ZNF385D: variants seen among roughly 807,000 people sequenced by gnomAD.
ZNF385D encodes zinc finger protein 659.
A neutral mutation model predicts 35.8 loss-of-function variants in ZNF385D; 15 were observed. That is an observed-to-expected ratio of 0.42 (90% CI 0.28 to 0.64). The LOEUF is 0.64. Ranked by LOEUF, ZNF385D falls within the 30% of genes least tolerant of loss-of-function variation. ZNF385D has a pLI of 0.23. For synonymous variants in ZNF385D, 212 were observed against 186.8 expected, an observed-to-expected ratio of 1.13 and a Z score of -1.10; for missense variants, 474 against 494.6, an observed-to-expected ratio of 0.96 and a Z score of 0.39.
At chr3:22,062,572 A>C (rs1817442) in intron 3 of ZNF385D, among the ~76,000 whole-genome samples, 51,078 of 151,958 alleles carry the variant, frequency 0.34, 8,985 homozygotes, top group East Asian at 0.58. Flanking sequence ...CTACTTTAAA[A>C]TATTTAACAT....
intron 3 of ZNF385D, among the ~76,000 whole-genome samples, chr3:21,910,372 A>C (rs1474987500): frequency 6.6e-6 from 1 of 152,052 alleles, no homozygotes; most frequent in African/African-American, 2.4e-5. Context: ...GATAATTTTG[A>C]AATTTCTCAG....
At chr3:22,186,950 T>G (rs990898445) in intron 2 of ZNF385D, among the ~76,000 whole-genome samples, 1 of 152,110 alleles carries the variant, frequency 6.6e-6, no homozygotes, top group African/African-American at 2.4e-5. Context: ...GCACTGCCAA[T>G]GAGGTAGGTA....
rs73048903 is a variant in ZNF385D, at chr3:22,158,647, G to C, written c.325+10170C>G. ...ATTTAAGGAAACTATTTAGTGAATTGAATCTGTAATACCATCTTACACACA... is the reference window on the plus strand; with the variant it reads ...ATTTAAGGAAACTATTTAGTGAATTCAATCTGTAATACCATCTTACACACA... On this transcript the variant is annotated intron_variant, in intron 3 of 5. Transcript: ENST00000494108. 6.0e-3 allele frequency among the ~76,000 whole-genome samples: 916 copies of C among 151,864 alleles called. 7 individuals carry two copies. The highest frequency in any genetic ancestry group is 0.017 in the Middle Eastern group (5 of 294).
intron 3 of ZNF385D, among the ~76,000 whole-genome samples, chr3:22,110,560 T>A (rs1340001827): frequency 1.3e-5 from 2 of 151,942 alleles, no homozygotes; most frequent in Admixed American, 1.3e-4. Flanking sequence ...ACACCGCATG[T>A]TCTCACTCAT....
chr3:22,081,798 A>C (rs2125584128), intron 3 of ZNF385D, among the ~76,000 whole-genome samples: 1 of 152,276 alleles, frequency 6.6e-6, no homozygotes, highest in Admixed American at 6.5e-5. Flanking sequence ...TTTTTAAAAA[A>C]GGTTGCTTAC....
chr3:21,672,655 A>C (rs995999475), intron 1 of ZNF385D, among the ~76,000 whole-genome samples: 6 of 152,164 alleles, frequency 3.9e-5, no homozygotes, highest in Non-Finnish European at 8.8e-5. Flanking sequence ...CCCTTGTCCA[A>C]ATTATTTATT....
At chr3:21,751,378 T>A, upstream of ZNF385D, 4 of 1,025,732 alleles carry the variant, frequency 3.9e-6, no homozygotes, top group Non-Finnish European at 4.7e-6. Context: ...GAGGCTCTCT[T>A]AAAGCGAGAA....
chr3:21,767,306 C>G (rs1444632772), intron 3 of ZNF385D, among the ~76,000 whole-genome samples: 1 of 151,896 alleles, frequency 6.6e-6, no homozygotes, highest in Non-Finnish European at 1.5e-5. Context: ...TGCCACTTGT[C>G]TTTGACAAAT....
At chr3:22,179,006 A>T (rs1173998166) in intron 2 of ZNF385D, among the ~76,000 whole-genome samples, 1 of 152,128 alleles carries the variant, frequency 6.6e-6, no homozygotes, top group Admixed American at 6.5e-5. Flanking sequence ...TATAGTTTGA[A>T]GTCAGGCAGC....
intron 3 of ZNF385D, among the ~76,000 whole-genome samples, chr3:21,781,951 A>G (rs912447467): frequency 6.6e-6 from 1 of 152,064 alleles, no homozygotes; most frequent in Non-Finnish European, 1.5e-5. Context: ...TCACTCCTCA[A>G]GCTGATAAAA....
At chr3:21,695,787 T>C (rs2067451623) in intron 1 of ZNF385D, among the ~76,000 whole-genome samples, 1 of 151,648 alleles carries the variant, frequency 6.6e-6, no homozygotes, top group Non-Finnish European at 1.5e-5. Flanking sequence ...AATAAACATA[T>C]TTCATTTTAT....
At chr3:21,975,702 AATATATATATATATATATATAT>A (rs56303677) in intron 3 of ZNF385D, among the ~76,000 whole-genome samples, 9,101 of 123,670 alleles carry the variant, frequency 0.074, 583 homozygotes, top group South Asian at 0.17. Flanking sequence ...GTACCCACGA[AATATATATATATATATATATAT>A]ATATATATAT....
intron 2 of ZNF385D, among the ~76,000 whole-genome samples, chr3:22,199,266 A>G (rs560466559): frequency 2.6e-3 from 391 of 152,252 alleles, no homozygotes; most frequent in Non-Finnish European, 4.7e-3. Flanking sequence ...AATGTAGATT[A>G]CATTTTACAT....
At chr3:21,525,844 G>A (rs1040430822) in intron 3 of ZNF385D, among the ~76,000 whole-genome samples, 1 of 152,020 alleles carries the variant, frequency 6.6e-6, no homozygotes, top group South Asian at 2.1e-4. Context: ...TACATTTTAT[G>A]ACAAATTGAG....
In ZNF385D at chr3:21,907,399, T is replaced by C. The variant is rs566471034; in HGVS notation, c.326-242371A>G. 3.0e-4 allele frequency among the ~76,000 whole-genome samples: 45 copies of C among 152,298 alleles called. 1 individual carries two copies. The highest frequency in any genetic ancestry group is 1.1e-3 in the African/African-American group (45 of 41,572). Reference sequence around the variant, plus strand: ...ACCCTTCACAATATCTTTTTTTGTATAATAAAATCCATTTTCATATCAATA... The same window carrying C: ...ACCCTTCACAATATCTTTTTTTGTACAATAAAATCCATTTTCATATCAATA... On this transcript the variant is annotated intron_variant, in intron 3 of 5. Coordinates refer to the ZNF385D transcript ENST00000494108.
At chr3:22,365,746 G>T (rs1430726353) in intron 2 of ZNF385D, among the ~76,000 whole-genome samples, 1 of 151,986 alleles carries the variant, frequency 6.6e-6, no homozygotes, top group Non-Finnish European at 1.5e-5. Context: ...CTTTTGTACT[G>T]CAAGTACTTT....
chr3:21,756,474 T>C (rs1017542071), intron 3 of ZNF385D, among the ~76,000 whole-genome samples: 1 of 152,144 alleles, frequency 6.6e-6, no homozygotes, highest in Non-Finnish European at 1.5e-5. Flanking sequence ...TAGAAATGTT[T>C]CATAGTAGTT....
intron 1 of ZNF385D, among the ~76,000 whole-genome samples, chr3:21,704,833 A>G (rs925451996): frequency 6.6e-6 from 1 of 152,214 alleles, no homozygotes; most frequent in African/African-American, 2.4e-5. Flanking sequence ...AAACTATATA[A>G]TCTCACATTT....
intron 2 of ZNF385D, among the ~76,000 whole-genome samples, chr3:22,189,112 G>T (rs960908345): frequency 6.6e-6 from 1 of 151,818 alleles, no homozygotes; most frequent in East Asian, 1.9e-4. Flanking sequence ...GTTTTTTTCA[G>T]GTGGAATTCT....
Sources: allele counts gnomAD v4.1 joint callset (sites outside exome capture counted in the v4.1 genomes callset), GRCh38; gene constraint gnomAD v4.1.1; transcripts MANE v1.5; gene names NCBI Gene and HGNC (gene_info 2026-07-23, HGNC 2026-07-21).